Variants in SMYD3 observed in about 807,000 individuals in gnomAD.
SMYD3 encodes histone-lysine N-methyltransferase SMYD3.
In SMYD3, 36 loss-of-function variants were observed where a neutral mutation model predicts 57.7. The ratio of observed to expected loss-of-function variants is 0.62; its 90% CI spans 0.48 to 0.82. The LOEUF is 0.82. Among genes scored for constraint, SMYD3 ranks in the 40% least tolerant of loss-of-function variants. The pLI is 0.00. For synonymous variants in SMYD3, 211 were observed against 195.0 expected (o/e 1.08, Z -0.68); for missense variants, 515 against 538.8 (o/e 0.96, Z 0.44).
intron 1 of SMYD3, among the ~76,000 whole-genome samples, chr1:246,457,845 C>A (rs1375115478): frequency 6.6e-6 from 1 of 152,214 alleles, no homozygotes; most frequent in African/African-American, 2.4e-5. Context: ...TTTATAACTA[C>A]ACCAGAATAA....
intron 5 of SMYD3, among the ~76,000 whole-genome samples, chr1:246,106,644 A>G (rs6689428): frequency 0.16 from 24,652 of 152,136 alleles, 3,571 homozygotes; most frequent in African/African-American, 0.39. Flanking sequence ...TTATGAAAGA[A>G]GAATTGAAAC....
At chr1:246,331,211 A>C (rs1420342558) in intron 3 of SMYD3, among the ~76,000 whole-genome samples, 1 of 152,184 alleles carries the variant, frequency 6.6e-6, no homozygotes, top group African/African-American at 2.4e-5. Flanking sequence ...AAGATGGGTA[A>C]AAAAATCTAA....
chr1:246,306,782 A>G (rs935421034), intron 5 of SMYD3, among the ~76,000 whole-genome samples: 6 of 152,230 alleles, frequency 3.9e-5, no homozygotes, highest in African/African-American at 1.2e-4. Context: ...AACAGTCACA[A>G]GTTTACTAAT....
At chr1:246,269,543 C>CTTTTTTTTTTTTTTTTTTTTTTT (rs570972296) in intron 5 of SMYD3, among the ~76,000 whole-genome samples, 5 of 135,218 alleles carry the variant, frequency 3.7e-5, no homozygotes, top group East Asian at 2.2e-4. Context: ...CTTTTTTTTT[C>CTTTTTTTTTTTTTTTTTTTTTTT]TTTTTTTTTT....
intron 1 of SMYD3, among the ~76,000 whole-genome samples, chr1:246,382,933 G>A (rs2066413425): frequency 6.6e-6 from 1 of 152,078 alleles, no homozygotes; most frequent in African/African-American, 2.4e-5. Context: ...ACAGACACAT[G>A]CTCCAGGCTC....
intron 5 of SMYD3, among the ~76,000 whole-genome samples, chr1:246,287,561 T>C (rs1257448573): frequency 1.3e-5 from 2 of 152,218 alleles, no homozygotes; most frequent in Non-Finnish European, 2.9e-5. Context: ...ATACTAAACC[T>C]CACTTTGCCT....
At chr1:245,798,193 T>C (rs1165256882) in intron 10 of SMYD3, among the ~76,000 whole-genome samples, 3 of 151,944 alleles carry the variant, frequency 2.0e-5, no homozygotes, top group Non-Finnish European at 2.9e-5. Flanking sequence ...AGCTCACTCC[T>C]ACCCAGCTCC....
At chr1:246,024,130 C>A (rs1161795659) in intron 5 of SMYD3, among the ~76,000 whole-genome samples, 1 of 152,174 alleles carries the variant, frequency 6.6e-6, no homozygotes, top group Admixed American at 6.5e-5. Context: ...AATATTTTTT[C>A]ATACTCCATC....
chr1:245,806,711 C>T (rs543639479), intron 10 of SMYD3, among the ~76,000 whole-genome samples: 4 of 150,538 alleles, frequency 2.7e-5, no homozygotes, highest in African/African-American at 4.9e-5. Context: ...GAGATGGAGA[C>T]CATCCTGGCT....
chr1:245,787,580 C>A (rs2047097843), intron 10 of SMYD3, among the ~76,000 whole-genome samples: 1 of 150,636 alleles, frequency 6.6e-6, no homozygotes, highest in Non-Finnish European at 1.5e-5. Flanking sequence ...TTTACCCAGT[C>A]AAAACTTCCA....
At chr1:246,227,668 T>C (rs2063349413) in intron 5 of SMYD3, among the ~76,000 whole-genome samples, 1 of 151,856 alleles carries the variant, frequency 6.6e-6, no homozygotes, top group South Asian at 2.1e-4. Context: ...AGAAGACAAC[T>C]TTGAGTGGTG....
chr1:246,020,062 A>T (rs1433541170), intron 5 of SMYD3, among the ~76,000 whole-genome samples: 2 of 152,176 alleles, frequency 1.3e-5, no homozygotes, highest in Non-Finnish European at 2.9e-5. Flanking sequence ...GAACCAAGGG[A>T]TTTCACAGCC....
At chr1:245,984,703 A>G (rs778859155) in intron 5 of SMYD3, among the ~76,000 whole-genome samples, 31 of 152,188 alleles carry the variant, frequency 2.0e-4, no homozygotes, top group Admixed American at 7.2e-4. Flanking sequence ...GACCTGCTAC[A>G]CTGATTATCC....
chr1:246,381,929 C>T (rs1183553001), intron 1 of SMYD3, among the ~76,000 whole-genome samples: 1 of 145,880 alleles, frequency 6.9e-6, no homozygotes, highest in Non-Finnish European at 1.5e-5. Context: ...GGCTCCAGGT[C>T]AGTTCCTGTA....
chr1:245,794,794 G>A (rs1163116722), intron 10 of SMYD3, among the ~76,000 whole-genome samples: 2 of 151,950 alleles, frequency 1.3e-5, no homozygotes, highest in African/African-American at 4.8e-5. Context: ...TTATTTCAAT[G>A]ACTATAGTTT....
chr1:246,013,063 A>C (rs2059312636), intron 5 of SMYD3, among the ~76,000 whole-genome samples: 1 of 152,256 alleles, frequency 6.6e-6, no homozygotes, highest in Admixed American at 6.5e-5. Flanking sequence ...ATGTGCCGAG[A>C]AGACAAGACC....
chr1:246,350,386 G>A (rs771712938), intron 2 of SMYD3, among the ~76,000 whole-genome samples: 49 of 152,272 alleles, frequency 3.2e-4, no homozygotes, highest in South Asian at 6.2e-4. Context: ...ATTAGAAGTT[G>A]GAAAGAATCG....
intron 5 of SMYD3, among the ~76,000 whole-genome samples, chr1:246,064,926 T>C (rs923252405): frequency 1.3e-5 from 2 of 152,358 alleles, no homozygotes; most frequent in African/African-American, 2.4e-5. Context: ...CTATAATCTG[T>C]ATACTAATTA....
chr1:246,209,504 T>C (rs1424062997), intron 5 of SMYD3, among the ~76,000 whole-genome samples: 1 of 152,170 alleles, frequency 6.6e-6, no homozygotes, highest in African/African-American at 2.4e-5. Flanking sequence ...ACTTAAGCTT[T>C]ATAAGCATAG....
Sources: allele counts gnomAD v4.1 joint callset (sites outside exome capture counted in the v4.1 genomes callset), GRCh38; gene constraint gnomAD v4.1.1; transcripts MANE v1.5; gene names NCBI Gene and HGNC (gene_info 2026-07-23, HGNC 2026-07-21).